RAB30: variants seen among roughly 807,000 people sequenced by gnomAD.
RAB30 encodes the protein RAB30, member RAS oncogene family, also known as ras-related protein Rab-30.
Under a neutral mutation model 25.1 loss-of-function variants are expected in RAB30, and 9 were observed. The ratio of observed to expected loss-of-function variants is 0.36; its 90% confidence interval spans 0.22 to 0.63. RAB30 has a LOEUF of 0.63. Ranked by LOEUF, RAB30 falls within the 20% of genes least tolerant of loss-of-function variation. RAB30 has a pLI of 0.69. For missense variants in RAB30, 140 were observed against 243.5 expected, an observed-to-expected ratio of 0.58 and a Z score of 2.83; for synonymous variants, 77 against 86.4, an observed-to-expected ratio of 0.89 and a Z score of 0.60.
intron 3 of RAB30, among the ~76,000 whole-genome samples, chr11:82,990,983 C>T (rs978903018): frequency 6.6e-6 from 1 of 152,024 alleles, no homozygotes; most frequent in Non-Finnish European, 1.5e-5. Flanking sequence ...ACCTTGGATT[C>T]CCTGCCTTCA....
chr11:83,019,641 C>A (rs890937965), intron 1 of RAB30, among the ~76,000 whole-genome samples: 5 of 152,188 alleles, frequency 3.3e-5, no homozygotes, highest in African/African-American at 1.2e-4. Flanking sequence ...CATCTCTGAA[C>A]CTTTAGAACA....
intron 2 of RAB30, among the ~76,000 whole-genome samples, chr11:82,996,805 T>C (rs775006998): frequency 1.6e-4 from 25 of 152,354 alleles, no homozygotes; most frequent in East Asian, 3.9e-4. Context: ...TAAGGGGGCA[T>C]AGGCAGAGTT....
chr11:83,020,807 G>A (rs537033935), intron 1 of RAB30, among the ~76,000 whole-genome samples: 1 of 152,164 alleles, frequency 6.6e-6, no homozygotes, highest in Admixed American at 6.5e-5. Context: ...GCTGAGAGCT[G>A]CAGACAATGG....
At chr11:83,065,766 T>C (rs180874475) in intron 1 of RAB30, among the ~76,000 whole-genome samples, 1 of 152,310 alleles carries the variant, frequency 6.6e-6, no homozygotes. Context: ...GCACCAGCTA[T>C]ACCAAGCATA....
chr11:83,050,346 C>T (rs917383025), intron 1 of RAB30, among the ~76,000 whole-genome samples: 1 of 152,142 alleles, frequency 6.6e-6, no homozygotes, highest in African/African-American at 2.4e-5. Flanking sequence ...GCTCCCCTTA[C>T]TACCCACACT....
intron 1 of RAB30, among the ~76,000 whole-genome samples, chr11:83,055,298 A>C (rs1288460035): frequency 1.3e-5 from 2 of 152,234 alleles, no homozygotes; most frequent in African/African-American, 4.8e-5. Flanking sequence ...CAACTTCATG[A>C]ACCTGGTTTA....
At chr11:83,054,057 T>C (rs1288793039) in intron 1 of RAB30, among the ~76,000 whole-genome samples, 1 of 152,126 alleles carries the variant, frequency 6.6e-6, no homozygotes, top group Non-Finnish European at 1.5e-5. Context: ...TCCACTACAC[T>C]CCAGCCTGGG....
intron 1 of RAB30, among the ~76,000 whole-genome samples, chr11:83,012,364 G>T (rs765628397): frequency 6.6e-6 from 1 of 152,126 alleles, no homozygotes. Flanking sequence ...CTCTTCCAGG[G>T]CTCTGGCTGC....
At chr11:83,068,650 TA>T (rs1399878916) in intron 1 of RAB30, among the ~76,000 whole-genome samples, 1 of 152,232 alleles carries the variant, frequency 6.6e-6, no homozygotes, top group South Asian at 2.1e-4. Flanking sequence ...GCTCTGTCTC[TA>T]ACTTCCTTTC....
intron 1 of RAB30, among the ~76,000 whole-genome samples, chr11:83,028,686 A>G (rs1857781272): frequency 6.6e-6 from 1 of 152,226 alleles, no homozygotes; most frequent in Non-Finnish European, 1.5e-5. Flanking sequence ...AGAGTGCAAT[A>G]CCCAAATAAA....
intron 1 of RAB30, among the ~76,000 whole-genome samples, chr11:83,050,136 G>A (rs187572401): frequency 1.2e-3 from 179 of 152,114 alleles, no homozygotes; most frequent in Non-Finnish European, 1.5e-3. Flanking sequence ...GGTGGTGCAT[G>A]CCTGTAGCCT....
At chr11:83,029,886 T>C (rs1857813519) in intron 1 of RAB30, among the ~76,000 whole-genome samples, 1 of 152,204 alleles carries the variant, frequency 6.6e-6, no homozygotes, top group African/African-American at 2.4e-5. Flanking sequence ...TAATGTCTTT[T>C]GCAGCAACTT....
intron 1 of RAB30, among the ~76,000 whole-genome samples, chr11:83,045,776 T>C (rs1858221153): frequency 6.6e-6 from 1 of 152,228 alleles, no homozygotes; most frequent in African/African-American, 2.4e-5. Flanking sequence ...TAGGTAAATG[T>C]TGGCTATAAT....
intron 3 of RAB30, among the ~76,000 whole-genome samples, chr11:82,990,603 A>G: frequency 6.6e-6 from 1 of 152,214 alleles, no homozygotes; most frequent in Admixed American, 6.5e-5. Flanking sequence ...TCTCCTATCT[A>G]TCAACATAGA....
intron 1 of RAB30, among the ~76,000 whole-genome samples, chr11:83,027,963 T>C (rs1159762534): frequency 6.6e-6 from 1 of 152,226 alleles, no homozygotes; most frequent in Non-Finnish European, 1.5e-5. Flanking sequence ...TGACAGCTTT[T>C]TTCCTCCCCC....
At chr11:83,017,450 T>G (rs935367952) in intron 1 of RAB30, among the ~76,000 whole-genome samples, 2 of 152,118 alleles carry the variant, frequency 1.3e-5, no homozygotes, top group Admixed American at 6.6e-5. Flanking sequence ...AGATCTTTAG[T>G]GATAATTTCT....
intron 4 of RAB30, among the ~76,000 whole-genome samples, chr11:82,986,400 A>T (rs1181154848): frequency 6.6e-6 from 1 of 152,208 alleles, no homozygotes; most frequent in Non-Finnish European, 1.5e-5. Flanking sequence ...TATTGAACTA[A>T]CTGTCTCCCC....
chr11:82,977,563 C>T lies in RAB30; in HGVS notation c.*4602G>A, dbSNP rs1300410153. ...AACCAACTTTTTGAGAATGGTCGCC[C>T]TGACATGGAACCCAAATCTGTGTCC... is the stretch of plus-strand genomic sequence containing the variant. On this transcript the variant is annotated 3_prime_UTR_variant, in exon 5 of 5. Coordinates refer to ENST00000527633, the MANE Select transcript of RAB30 (RefSeq NM_001286060.2). 1 of 152,194 alleles carries T rather than the reference C, an allele frequency of 6.6e-6. No individual in the cohort carries two copies. Among genetic ancestry groups the T allele is most frequent in the East Asian group, 1.9e-4 (1 of 5,192 alleles). 9.4% of individuals were successfully genotyped at this position (152,194 alleles called of 1,614,324 possible).
chr11:83,003,208 G>T (rs889407384), intron 1 of RAB30, among the ~76,000 whole-genome samples: 1 of 152,152 alleles, frequency 6.6e-6, no homozygotes, highest in Non-Finnish European at 1.5e-5. Context: ...AGTGAGTTAC[G>T]TGAGAGGCAA....
Sources: allele counts gnomAD v4.1 joint callset (sites outside exome capture counted in the v4.1 genomes callset), GRCh38; gene constraint gnomAD v4.1.1; transcripts MANE v1.5; gene names NCBI Gene and HGNC (gene_info 2026-07-23, HGNC 2026-07-21).